Variants in OR4K2 observed in about 807,000 individuals in gnomAD.
The protein encoded by OR4K2 is olfactory receptor 4K2.
OR4K2 carries 8 observed loss-of-function variants against 10.5 expected under a neutral mutation model. The observed-to-expected ratio is 0.76, with a 90% CI of 0.45 to 1.37. The LOEUF (loss-of-function observed/expected upper bound fraction) is 1.37. Ranked by LOEUF, OR4K2 falls within the 40% of genes most tolerant of loss-of-function variation. The pLI, the probability that OR4K2 is intolerant of heterozygous loss-of-function variation, is 0.00. For missense variants in OR4K2, 547 were observed against 379.5 expected (o/e 1.44, Z -3.67); for synonymous variants, 178 against 133.6 (o/e 1.33, Z -2.29).
chr14:19,877,396 T>G lies in OR4K2; in HGVS notation c.*184T>G. On this transcript the variant is annotated 3_prime_UTR_variant, in exon 2 of 2. Transcript: ENST00000641885. ...TTTCAGAAAAGCAAGTTAAAAGAAATAAAGACTATAAAAATGTCAGGAGTG... is the reference window on the plus strand; with the variant it reads ...TTTCAGAAAAGCAAGTTAAAAGAAAGAAAGACTATAAAAATGTCAGGAGTG... The G allele has an allele frequency of 1.9e-6, 1 of 520,168 alleles. No homozygotes were observed. The highest frequency in any genetic ancestry group is 3.4e-6 in the Non-Finnish European group (1 of 297,058). 32.2% of individuals were successfully genotyped at this position (520,168 alleles called of 1,614,324 possible).
At position 19,876,957 on chromosome 14, in the gene OR4K2, C is replaced by T. The variant is rs1445995892; in HGVS notation, c.690C>T (p.Ser230=). ...IVLVTVKHHS[S]RGSSKALSTC... is the part of the protein sequence containing the mutation. ...TGGTTACTGTGAAGCATCATTCTTC[C>T]AGAGGATCATCTAAGGCCCTTTCTA... The change falls in exon 2 of 2, where the codon TCC becomes TCT. Residue 230 remains serine, a synonymous_variant. Coordinates refer to ENST00000641885, the MANE Select transcript of OR4K2 (RefSeq NM_001005501.2). 1 of 1,614,052 alleles carries T rather than the reference C, an allele frequency of 6.2e-7. No homozygotes were observed. The highest frequency in any genetic ancestry group is 1.7e-5 in the Admixed American group (1 of 60,018).
At position 19,877,253 on chromosome 14, in the gene OR4K2, C is replaced by T. The variant is rs1319096102; in HGVS notation, c.*41C>T. On this transcript the variant is annotated 3_prime_UTR_variant, in exon 2 of 2. Coordinates refer to ENST00000641885, the MANE Select transcript of OR4K2 (RefSeq NM_001005501.2). ...ACATTAGACACAATGCTGTGTTAGG[C>T]TTTTCTTTCTAGAGGGTTCTTACCA... 2.2e-6 allele frequency: 3 copies of T among 1,363,422 alleles called. No individual in the cohort carries two copies. The highest frequency in any genetic ancestry group is 3.0e-6 in the Non-Finnish European group (3 of 997,896). 84.5% of individuals were successfully genotyped at this position (1,363,422 alleles called of 1,614,324 possible).
Position 19,879,516 on chromosome 14 carries a change from G to C in OR4K2, c.*2304G>C, listed in dbSNP as rs920843809. On this transcript the variant is annotated 3_prime_UTR_variant, in exon 2 of 2. Coordinates refer to ENST00000641885, the MANE Select transcript of OR4K2 (RefSeq NM_001005501.2). ...TAATTTTAAGTGATCTGCACTATCT[G>C]CAATAACACAACTGAGGGAGTTCTG... The C allele has an allele frequency of 6.6e-6, 1 of 152,242 alleles. No homozygotes were observed. The highest frequency in any genetic ancestry group is 1.5e-5 in the Non-Finnish European group (1 of 68,050). The allele number at this position is 152,242 out of a possible 1,614,324, so 9.4% of individuals were successfully genotyped here. A position where few individuals can be genotyped will look rare whatever the true frequency, so the allele number is the denominator to read the frequency against.
Position 19,882,825 on chromosome 14 carries a change from T to TTTC in OR4K2, c.*5615_*5616insCTT. 1 of 123,776 alleles carries TTTC rather than the reference T, an allele frequency of 8.1e-6. No individual in the cohort carries two copies. The highest frequency in any genetic ancestry group is 3.1e-5 in the African/African-American group (1 of 32,356). The allele number at this position is 123,776 out of a possible 1,614,324, so 7.7% of individuals were successfully genotyped here. A position where few individuals can be genotyped will look rare whatever the true frequency, so the allele number is the denominator to read the frequency against. Reference sequence around the variant, plus strand: ...TAATTTATCTTTCTTTTTCTTTTTTTTTTCTTTTTTTTTTTTTTTTGAGAC... The same window carrying TTTC: ...TAATTTATCTTTCTTTTTCTTTTTTTTTCTTTCTTTTTTTTTTTTTTTTGAGAC... On this transcript the variant is annotated 3_prime_UTR_variant, in exon 2 of 2. Transcript: ENST00000641885.
chr14:19,877,236 C>T lies in OR4K2; in HGVS notation c.*24C>T, dbSNP rs1416069444. 1.4e-6 allele frequency: 2 copies of T among 1,448,532 alleles called. No individual in the cohort carries two copies. Among genetic ancestry groups the T allele is most frequent in the South Asian group, 2.4e-5 (2 of 82,710 alleles). 89.7% of individuals were successfully genotyped at this position (1,448,532 alleles called of 1,614,324 possible). On this transcript the variant is annotated 3_prime_UTR_variant, in exon 2 of 2. Coordinates refer to ENST00000641885, the MANE Select transcript of OR4K2 (RefSeq NM_001005501.2). ...AGTTTTTGTGACACAGAACATTAGA[C>T]ACAATGCTGTGTTAGGCTTTTCTTT...
At position 19,881,219 on chromosome 14, in the gene OR4K2, T is replaced by C. The variant is rs1359420577; in HGVS notation, c.*4007T>C. The C allele has an allele frequency of 6.6e-6, 1 of 152,284 alleles. No homozygotes were observed. Among genetic ancestry groups the C allele is most frequent in the Non-Finnish European group, 1.5e-5 (1 of 68,050 alleles). 9.4% of individuals were successfully genotyped at this position (152,284 alleles called of 1,614,324 possible). ...GAAGAAAACAGCCAGGGAAATCTAATTCATGTGAACTTCTTGCATGTACTC... is the reference window on the plus strand; with the variant it reads ...GAAGAAAACAGCCAGGGAAATCTAACTCATGTGAACTTCTTGCATGTACTC... On this transcript the variant is annotated 3_prime_UTR_variant, in exon 2 of 2. Transcript: ENST00000641885.
Position 19,877,324 on chromosome 14 carries a change from T to C in OR4K2, c.*112T>C. The stretch of plus-strand genomic sequence containing the variant: ...TGTGAGGGCTCAAGTTCAGTGCATT[T>C]TGAAACTATTCTCATGAATGTGAAT... On this transcript the variant is annotated 3_prime_UTR_variant, in exon 2 of 2. Coordinates refer to ENST00000641885, the MANE Select transcript of OR4K2 (RefSeq NM_001005501.2). 1 of 734,996 alleles carries C rather than the reference T, an allele frequency of 1.4e-6. No individual in the cohort carries two copies. Among genetic ancestry groups the C allele is most frequent in the Non-Finnish European group, 2.2e-6 (1 of 459,348 alleles). The allele number at this position is 734,996 out of a possible 1,614,324, so 45.5% of individuals were successfully genotyped here.
rs1033223442 is a variant in OR4K2 at position 19,878,530 on chromosome 14, G to T, written c.*1318G>T. 1 of 152,162 alleles carries T rather than the reference G, an allele frequency of 6.6e-6. No individual in the cohort carries two copies. The highest frequency in any genetic ancestry group is 2.4e-5 in the African/African-American group (1 of 41,460). The allele number at this position is 152,162 out of a possible 1,614,324, so 9.4% of individuals were successfully genotyped here. On this transcript the variant is annotated 3_prime_UTR_variant, in exon 2 of 2. Coordinates refer to ENST00000641885, the MANE Select transcript of OR4K2 (RefSeq NM_001005501.2). ...TCATTTATGAAAGATAATTAAAACA[G>T]AAAATCCTTAGATGTTCATATTAAA...
rs1478483533 is a variant in OR4K2 at position 19,880,800 on chromosome 14, G to A, written c.*3588G>A. The A allele has an allele frequency of 1.3e-5, 2 of 152,222 alleles. No individual in the cohort carries two copies. Among genetic ancestry groups the A allele is most frequent in the African/African-American group, 2.4e-5 (1 of 41,462 alleles). The allele number at this position is 152,222 out of a possible 1,614,324, so 9.4% of individuals were successfully genotyped here. A position where few individuals can be genotyped will look rare whatever the true frequency, so the allele number is the denominator to read the frequency against. On this transcript the variant is annotated 3_prime_UTR_variant, in exon 2 of 2. Transcript: ENST00000641885. ...TGAATTCACATTACAATTGTTGTCA[G>A]AATAAGAATGATGTTTGACTCATAT...
rs1360699287 is a variant in OR4K2, at chr14:19,883,241, G to C, written c.*6029G>C. The stretch of plus-strand genomic sequence containing the variant: ...ATTTTTTCATCCAAAAGATCTTGAT[G>C]TCTTGCTTTATCTCTTTGGGAATGA... On this transcript the variant is annotated 3_prime_UTR_variant, in exon 2 of 2. Coordinates refer to ENST00000641885, the MANE Select transcript of OR4K2 (RefSeq NM_001005501.2). 4 of 152,256 alleles carry C rather than the reference G, an allele frequency of 2.6e-5. No homozygotes were observed. Among genetic ancestry groups the C allele is most frequent in the African/African-American group, 9.7e-5 (4 of 41,444 alleles). 9.4% of individuals were successfully genotyped at this position (152,256 alleles called of 1,614,324 possible). A position where few individuals can be genotyped will look rare whatever the true frequency, so the allele number is the denominator to read the frequency against.
rs1160856070 is a variant in OR4K2, at chr14:19,883,801, A to T, written c.*6589A>T. On this transcript the variant is annotated 3_prime_UTR_variant, in exon 2 of 2. Coordinates refer to ENST00000641885, the MANE Select transcript of OR4K2 (RefSeq NM_001005501.2). ...TTTATATAACTTTTCCAATTTTTTA[A>T]AGAAAGATACCTCTCTTGCAGCTCA... The T allele has an allele frequency of 1.3e-5, 2 of 152,262 alleles. No homozygotes were observed. The highest frequency in any genetic ancestry group is 4.8e-5 in the African/African-American group (2 of 41,464). 9.4% of individuals were successfully genotyped at this position (152,262 alleles called of 1,614,324 possible). A position where few individuals can be genotyped will look rare whatever the true frequency, so the allele number is the denominator to read the frequency against.
Position 19,876,676 on chromosome 14 carries a change from A to C in OR4K2, c.409A>C (p.Ser137Arg), listed in dbSNP as rs753844445. The C allele has an allele frequency of 3.0e-5, 48 of 1,614,024 alleles. No individual in the cohort carries two copies. In the Admixed American group the frequency reaches 6.8e-4, roughly 23 times the overall value. ...GCCCCTGCACTATGCTTCTGTCATT[A>C]GTCCCCAGGTGTGTGTTGCTCTCGT... ...CKPLHYASVI[S>R]PQVCVALVVA... Residue 137 changes from serine (S) to arginine (R), a missense_variant, in exon 2 of 2, where the codon AGT (serine) becomes CGT (arginine). By Grantham distance (110) the Ser-to-Arg change is moderately radical. Coordinates refer to ENST00000641885, the MANE Select transcript of OR4K2 (RefSeq NM_001005501.2).
rs1881040771 is a variant in OR4K2, at chr14:19,881,716, T to G, written c.*4504T>G. 1 of 152,102 alleles carries G rather than the reference T, an allele frequency of 6.6e-6. No homozygotes were observed. Among genetic ancestry groups the G allele is most frequent in the African/African-American group, 2.4e-5 (1 of 41,436 alleles). The allele number at this position is 152,102 out of a possible 1,614,324, so 9.4% of individuals were successfully genotyped here. A position where few individuals can be genotyped will look rare whatever the true frequency, so the allele number is the denominator to read the frequency against. ...AAGACCACTGTTAATTCGCCTTTTTTCTTTGTGTTTTAACTGTACTAGGAA... is the reference window on the plus strand; with the variant it reads ...AAGACCACTGTTAATTCGCCTTTTTGCTTTGTGTTTTAACTGTACTAGGAA... On this transcript the variant is annotated 3_prime_UTR_variant, in exon 2 of 2. Coordinates refer to ENST00000641885, the MANE Select transcript of OR4K2 (RefSeq NM_001005501.2).
In OR4K2 at chr14:19,879,606, T is replaced by A. The variant is rs1177989440; in HGVS notation, c.*2394T>A. The A allele has an allele frequency of 6.6e-6, 1 of 152,254 alleles. No individual in the cohort carries two copies. The highest frequency in any genetic ancestry group is 2.4e-5 in the African/African-American group (1 of 41,466). 9.4% of individuals were successfully genotyped at this position (152,254 alleles called of 1,614,324 possible). On this transcript the variant is annotated 3_prime_UTR_variant, in exon 2 of 2. Coordinates refer to ENST00000641885, the MANE Select transcript of OR4K2 (RefSeq NM_001005501.2). ...CTTCCTCTACGTGTTTAGGAAGCTG[T>A]GAAGCTTGACAACAATTGAATGCAG...
chr14:19,879,534 G>T lies in OR4K2; in HGVS notation c.*2322G>T, dbSNP rs1256128254. 6.6e-6 allele frequency: 1 copy of T among 152,244 alleles called. No homozygotes were observed. Among genetic ancestry groups the T allele is most frequent in the Non-Finnish European group, 1.5e-5 (1 of 68,032 alleles). 9.4% of individuals were successfully genotyped at this position (152,244 alleles called of 1,614,324 possible). ...ACTATCTGCAATAACACAACTGAGG[G>T]AGTTCTGGAGCATTTATAAGAAGAG... On this transcript the variant is annotated 3_prime_UTR_variant, in exon 2 of 2. Coordinates refer to ENST00000641885, the MANE Select transcript of OR4K2 (RefSeq NM_001005501.2).
Position 19,882,066 on chromosome 14 carries a change from G to C in OR4K2, c.*4854G>C, listed in dbSNP as rs1028397824. ...GCAACTGGAGCTATTGTGTTCCAGAGCACATTACCCCAGTAATGTGATGTA... is the reference window on the plus strand; with the variant it reads ...GCAACTGGAGCTATTGTGTTCCAGACCACATTACCCCAGTAATGTGATGTA... On this transcript the variant is annotated 3_prime_UTR_variant, in exon 2 of 2. Coordinates refer to ENST00000641885, the MANE Select transcript of OR4K2 (RefSeq NM_001005501.2). The C allele has an allele frequency of 2.0e-5, 3 of 152,334 alleles. No individual in the cohort carries two copies. Among genetic ancestry groups the C allele is most frequent in the Middle Eastern group, 3.4e-3 (1 of 298 alleles). The allele number at this position is 152,334 out of a possible 1,614,324, so 9.4% of individuals were successfully genotyped here. A position where few individuals can be genotyped will look rare whatever the true frequency, so the allele number is the denominator to read the frequency against.
rs150417989 is a variant in OR4K2 at position 19,876,283 on chromosome 14, A to G, written c.16A>G (p.Lys6Glu). ...AATCAAGACAATGGATGTGGGCAATAAGTCTACCATGTCTGAATTTGTTTT... is the reference window on the plus strand; with the variant it reads ...AATCAAGACAATGGATGTGGGCAATGAGTCTACCATGTCTGAATTTGTTTT... MDVGN[K>E]STMSEFVLLG... is the part of the protein sequence containing the mutation. The change falls in exon 2 of 2, where the codon AAG (lysine) becomes GAG (glutamate). Residue 6 changes from lysine (K) to glutamate (E), a missense_variant. Physicochemically the swap from Lys to Glu is moderately conservative, Grantham distance 56 (BLOSUM62 1). Transcript: ENST00000641885. The G allele has an allele frequency of 1.1e-3, 1,742 of 1,607,284 alleles. 7 individuals carry two copies. The South Asian group carries it at 0.017, about 16-fold the overall frequency.
rs1880884860 is a variant in OR4K2, at chr14:19,876,028, CT to C, written c.-126del. On this transcript the variant is annotated 5_prime_UTR_variant, in exon 1 of 2. It introduces an in-frame stop codon into an upstream open reading frame of the 5' UTR. Transcript: ENST00000641885. ...CATTAGTATCAGAAAAGAAAGTGTT[CT>C]TTTCAATACCTATGATTTAAGGAAC... 2.1e-6 allele frequency: 1 copy of C among 466,064 alleles called. No homozygotes were observed. Among genetic ancestry groups the C allele is most frequent in the African/African-American group, 2.0e-5 (1 of 48,982 alleles). 28.9% of individuals were successfully genotyped at this position (466,064 alleles called of 1,614,324 possible).
rs760307452 is a variant in OR4K2 at position 19,877,130 on chromosome 14, C to T, written c.863C>T (p.Thr288Ile). ...CCCACTCTGAACCCAATAATCTATA[C>T]TTTGAGGAATCAAGAAGTAAAGATA... ...FTPTLNPIIY[T>I]LRNQEVKIAM... The change falls in exon 2 of 2, where the codon ACT (threonine) becomes ATT (isoleucine). Residue 288 changes from threonine to isoleucine, a missense_variant. Coordinates refer to ENST00000641885, the MANE Select transcript of OR4K2 (RefSeq NM_001005501.2). 2.5e-6 allele frequency: 4 copies of T among 1,605,330 alleles called. No individual in the cohort carries two copies. The highest frequency in any genetic ancestry group is 3.3e-5 in the Admixed American group (2 of 59,954).
Sources: allele counts gnomAD v4.1 joint callset, GRCh38; gene constraint gnomAD v4.1.1; transcripts MANE v1.5; gene names NCBI Gene and HGNC (gene_info 2026-07-23, HGNC 2026-07-21).